The following ARHGAP32 variants were observed in gnomAD, a reference collection of about 807,000 sequenced individuals.
ARHGAP32 encodes the protein Rho GTPase activating protein 32.
ARHGAP32 carries 51 observed loss-of-function variants against 186.5 expected under a neutral mutation model. The ratio of observed to expected loss-of-function variants is 0.27; its 90% CI spans 0.22 to 0.35. ARHGAP32 has a LOEUF of 0.35. ARHGAP32 is among the 10% of genes least tolerant of loss of function. ARHGAP32 has a pLI of 1.00. For synonymous variants in ARHGAP32, 950 were observed against 964.3 expected, an observed-to-expected ratio of 0.99 and a Z score of 0.27; for missense variants, 2,186 against 2,623.5, an observed-to-expected ratio of 0.83 and a Z score of 3.64.
chr11:129,192,044 G>C (rs1015684965), intron 1 of ARHGAP32, 39 bp downstream of exon 1: 4 of 1,425,074 alleles, frequency 2.8e-6, no homozygotes, highest in African/African-American at 2.8e-5. Flanking sequence ...TGGGGGTAGG[G>C]AGTGGACAGG....
chr11:129,103,142 C>T (rs1941948834), intron 5 of ARHGAP32, among the ~76,000 whole-genome samples: 1 of 151,932 alleles, frequency 6.6e-6, no homozygotes, highest in African/African-American at 2.4e-5. Flanking sequence ...ATACCAAACA[C>T]AAAAAGACAG....
intron 2 of ARHGAP32, among the ~76,000 whole-genome samples, chr11:129,141,687 A>G (rs1943056120): frequency 6.6e-6 from 1 of 151,768 alleles, no homozygotes; most frequent in African/African-American, 2.4e-5. Flanking sequence ...TATTACAATT[A>G]AAAATAAAAT....
chr11:129,142,845 A>T (rs946639977), intron 2 of ARHGAP32, among the ~76,000 whole-genome samples: 1 of 151,764 alleles, frequency 6.6e-6, no homozygotes, highest in Non-Finnish European at 1.5e-5. Context: ...ACTTTTTGCC[A>T]CTTTTCACTT....
chr11:129,065,125 A>G (rs1940642880), intron 7 of ARHGAP32, among the ~76,000 whole-genome samples, 192 bp from the exon 8 acceptor site: 1 of 152,132 alleles, frequency 6.6e-6, no homozygotes, highest in Non-Finnish European at 1.5e-5. Flanking sequence ...TCTCATGCAG[A>G]GCTTCAATTT....
chr11:129,252,830 C>T (rs772524755), intron 1 of ARHGAP32, among the ~76,000 whole-genome samples: 1 of 152,274 alleles, frequency 6.6e-6, no homozygotes, highest in Non-Finnish European at 1.5e-5. Context: ...AAACGCTAAT[C>T]CCTCTACTCA....
chr11:129,014,372 T>C (rs1938230188), intron 11 of ARHGAP32, among the ~76,000 whole-genome samples: 1 of 152,188 alleles, frequency 6.6e-6, no homozygotes, highest in Non-Finnish European at 1.5e-5. Flanking sequence ...TGCTGTTTAA[T>C]TACACCAGCG....
At chr11:129,181,535 A>T (rs1348133153) in intron 1 of ARHGAP32, among the ~76,000 whole-genome samples, 1 of 152,130 alleles carries the variant, frequency 6.6e-6, no homozygotes, top group African/African-American at 2.4e-5. Context: ...GATATTAATA[A>T]ATTAAATTGT....
intron 2 of ARHGAP32, among the ~76,000 whole-genome samples, chr11:129,156,189 G>C (rs1035035806): frequency 6.6e-6 from 1 of 152,218 alleles, no homozygotes; most frequent in African/African-American, 2.4e-5. Flanking sequence ...CGAGCTAGCT[G>C]CAGGAGTATT....
chr11:129,137,224 A>G (rs1942956575), intron 2 of ARHGAP32, among the ~76,000 whole-genome samples: 1 of 151,880 alleles, frequency 6.6e-6, no homozygotes, highest in South Asian at 2.1e-4. Context: ...GTGTTTTCTT[A>G]CACTTAAAAA....
intron 11 of ARHGAP32, among the ~76,000 whole-genome samples, chr11:129,005,407 T>C (rs532724803): frequency 6.6e-6 from 1 of 152,308 alleles, no homozygotes; most frequent in South Asian, 2.1e-4. Flanking sequence ...CTGACTGAAG[T>C]ATTCCCTTTA....
intron 12 of ARHGAP32, among the ~76,000 whole-genome samples, chr11:128,995,856 C>T (rs1946186238): frequency 6.6e-6 from 1 of 152,170 alleles, no homozygotes; most frequent in Admixed American, 6.5e-5. Flanking sequence ...AACATTCTCC[C>T]AAAGTTGGGT....
At chr11:128,991,607 C>T (rs940804713) in intron 12 of ARHGAP32, among the ~76,000 whole-genome samples, 6 of 152,164 alleles carry the variant, frequency 3.9e-5, no homozygotes, top group Non-Finnish European at 8.8e-5. Flanking sequence ...GCCAAATGCA[C>T]AGCGAATAAT....
chr11:129,002,831 C>T (rs1263916516), intron 11 of ARHGAP32, among the ~76,000 whole-genome samples: 8 of 87,354 alleles, frequency 9.2e-5, no homozygotes, highest in East Asian at 3.5e-4. Flanking sequence ...TTTTTTGAGA[C>T]GGAGTCTCGC....
chr11:129,055,269 A>T (rs1008928474), intron 10 of ARHGAP32, among the ~76,000 whole-genome samples: 3 of 152,218 alleles, frequency 2.0e-5, no homozygotes, highest in Non-Finnish European at 4.4e-5. Context: ...TATTTTTTTT[A>T]AACTGGCAAT....
chr11:129,040,075 A>C (rs577113760), intron 11 of ARHGAP32, among the ~76,000 whole-genome samples: 7 of 152,166 alleles, frequency 4.6e-5, no homozygotes, highest in Non-Finnish European at 1.0e-4. Flanking sequence ...GTTGGATGTA[A>C]GCTTTGGGAG....
At chr11:129,103,589 C>T (rs1270578210) in intron 5 of ARHGAP32, among the ~76,000 whole-genome samples, 1 of 151,672 alleles carries the variant, frequency 6.6e-6, no homozygotes, top group African/African-American at 2.4e-5. Flanking sequence ...CAGTACTAAA[C>T]ATATCATAAT....
chr11:129,278,643 G>T (rs570835834), intron 1 of ARHGAP32, among the ~76,000 whole-genome samples: 23 of 152,248 alleles, frequency 1.5e-4, no homozygotes, highest in Non-Finnish European at 3.4e-4. Flanking sequence ...CAATCGGAAA[G>T]ACGAGGGGGG....
intron 1 of ARHGAP32, among the ~76,000 whole-genome samples, chr11:129,198,644 G>GGAACTGATGT (rs1944422773): frequency 6.6e-6 from 1 of 152,150 alleles, no homozygotes; most frequent in South Asian, 2.1e-4. Flanking sequence ...CCATGCATGT[G>GGAACTGATGT]GAACTGTGAG....
At chr11:129,067,002 G>C in intron 6 of ARHGAP32, 134 bp from the exon 7 acceptor site, 1 of 720,800 alleles carries the variant, frequency 1.4e-6, no homozygotes, top group Non-Finnish European at 2.2e-6. Flanking sequence ...TAACTTGATA[G>C]TTAATAGCTA....
Sources: gnomAD v4.1 joint callset for allele counts (sites outside exome capture counted in the v4.1 genomes callset) on GRCh38, gnomAD v4.1.1 for gene constraint, MANE v1.5 for transcripts, NCBI Gene and HGNC (gene_info 2026-07-23, HGNC 2026-07-21) for gene names.